The following PLAGL1 variants were observed in gnomAD, a reference collection of about 807,000 sequenced individuals.
The protein encoded by PLAGL1 is zinc finger protein PLAGL1.
PLAGL1 carries 1 observed loss-of-function variant against 4.6 expected under a neutral mutation model. The ratio of observed to expected loss-of-function variants is 0.22; its 90% confidence interval spans 0.08 to 1.03. The LOEUF (loss-of-function observed/expected upper bound fraction) is 1.03, where lower values mean the gene tolerates loss of function less well. PLAGL1 is among the 50% of genes least tolerant of loss of function. PLAGL1 has a pLI of 0.58. For synonymous variants in PLAGL1, 240 were observed against 237.8 expected (o/e 1.01, Z -0.08); for missense variants, 464 against 570.4 (o/e 0.81, Z 1.90).
intron 1 of PLAGL1, among the ~76,000 whole-genome samples, chr6:144,054,037 C>T (rs1050508414): frequency 1.3e-5 from 2 of 150,532 alleles, no homozygotes; most frequent in South Asian, 2.1e-4. Flanking sequence ...TAGGTCTTAA[C>T]TTACTTATGT....
chr6:144,026,801 A>G (rs1402372787), intron 1 of PLAGL1, among the ~76,000 whole-genome samples: 1 of 152,262 alleles, frequency 6.6e-6, no homozygotes, highest in Non-Finnish European at 1.5e-5. Context: ...AACTACTGGC[A>G]AAGCAGATAG....
intron 7 of PLAGL1, among the ~76,000 whole-genome samples, chr6:143,944,813 G>T (rs1779413749): frequency 6.6e-6 from 1 of 151,180 alleles, no homozygotes; most frequent in African/African-American, 2.4e-5. Flanking sequence ...CCCAGTACTG[G>T]TGAACAGGAT....
In PLAGL1 at chr6:143,943,454, A is replaced by C. The variant is rs142759360; in HGVS notation, c.153-791T>G. On this transcript the variant is annotated intron_variant, in intron 7 of 7. Coordinates refer to ENST00000674357, the MANE Select transcript of PLAGL1 (RefSeq NM_001317162.2). ...TCTTAAAAAGTCCATCCTTAACCTC[A>C]GAAAAGTGTCTAATAGGACCCTGAA... 9.2e-3 allele frequency among the ~76,000 whole-genome samples: 1,402 copies of C among 152,142 alleles called. 14 individuals are homozygous for C. Among genetic ancestry groups the C allele is most frequent in the Middle Eastern group, 0.02 (6 of 294 alleles).
At position 143,961,436 on chromosome 6, in the gene PLAGL1, T is replaced by A. The variant is rs1210945139; in HGVS notation, c.-398-894A>T. The A allele has an allele frequency of 6.6e-6, 1 of 152,244 alleles. No homozygotes were observed. The highest frequency in any genetic ancestry group is 1.5e-5 in the Non-Finnish European group (1 of 68,030). 9.4% of individuals were successfully genotyped at this position (152,244 alleles called of 1,614,324 possible). On this transcript the variant is annotated intron_variant, in intron 5 of 7. Transcript: ENST00000674357. This position sits in a 1 kb window ranked among gnomAD's most constrained non-coding sequence, Gnocchi z 6.5. The stretch of plus-strand genomic sequence containing the variant: ...CACTTGCCTATTTTCTTCTGTGAAT[T>A]TGATCAAAAAGGCTATGTCCATTTA...
chr6:144,041,516 C>G (rs1280414234), intron 1 of PLAGL1, among the ~76,000 whole-genome samples: 1 of 152,150 alleles, frequency 6.6e-6, no homozygotes, highest in Non-Finnish European at 1.5e-5. Context: ...ATGAACTCAT[C>G]CTTTTTTATG....
In PLAGL1 at chr6:143,949,536, C is replaced by T. The variant is rs538566570; in HGVS notation, c.-324-1076G>A. ...TGGACTCTGACAGCAGGTTTCAAAT[C>T]GGCCTCTACCTGCCACTACCTGCCA... On this transcript the variant is annotated intron_variant, in intron 6 of 7. Coordinates refer to ENST00000674357, the MANE Select transcript of PLAGL1 (RefSeq NM_001317162.2). This position sits in a 1 kb window ranked among gnomAD's most constrained non-coding sequence, Gnocchi z 5.3. Among the ~76,000 whole-genome samples, 17 of 152,320 alleles carry T rather than the reference C, an allele frequency of 1.1e-4. No homozygotes were observed. The South Asian group carries it at 1.7e-3, about 15-fold the overall frequency.
At chr6:144,020,141 C>T (rs898693277) in intron 1 of PLAGL1, among the ~76,000 whole-genome samples, 10 of 152,046 alleles carry the variant, frequency 6.6e-5, no homozygotes, top group South Asian at 2.1e-4. Flanking sequence ...GCAAGAAGAC[C>T]GCTGTCCACG....
rs1056462482 is a variant in PLAGL1, at chr6:143,940,363, T to TAA, written c.*1059_*1060dup. 3 of 152,178 alleles carry TAA rather than the reference T, an allele frequency of 2.0e-5. No individual in the cohort carries two copies. Among genetic ancestry groups the TAA allele is most frequent in the African/African-American group, 7.2e-5 (3 of 41,446 alleles). 9.4% of individuals were successfully genotyped at this position (152,178 alleles called of 1,614,324 possible). On this transcript the variant is annotated 3_prime_UTR_variant, in exon 8 of 8. Transcript: ENST00000674357. ...GTTTACGGAAAAGCCTCTAAAAACA[T>TAA]AAGACAATGGAGCTTTAAAAAAGGT...
intron 1 of PLAGL1, among the ~76,000 whole-genome samples, chr6:144,001,526 GA>G (rs1411032419): frequency 1.8e-4 from 27 of 152,098 alleles, no homozygotes; most frequent in Non-Finnish European, 2.9e-5. Flanking sequence ...AAGAGAAATA[GA>G]ATATTTGTAC....
chr6:144,046,359 A>G (rs1015282957), intron 1 of PLAGL1, among the ~76,000 whole-genome samples: 5 of 152,054 alleles, frequency 3.3e-5, no homozygotes, highest in Non-Finnish European at 5.9e-5. Context: ...TGACCTACAG[A>G]TGGGGTTTTG....
At chr6:143,977,436 C>T (rs1248353900) in intron 2 of PLAGL1, among the ~76,000 whole-genome samples, 1 of 142,258 alleles carries the variant, frequency 7.0e-6, no homozygotes, top group African/African-American at 2.6e-5. Flanking sequence ...TGATAGCTCA[C>T]TTCTTTTTTT....
At position 143,995,235 on chromosome 6, in the gene PLAGL1, A is replaced by G. The variant is rs1327001194; in HGVS notation, c.-583-10061T>C. On this transcript the variant is annotated intron_variant, in intron 1 of 7. Coordinates refer to ENST00000674357, the MANE Select transcript of PLAGL1 (RefSeq NM_001317162.2). This position sits in a 1 kb window ranked among gnomAD's most constrained non-coding sequence, Gnocchi z 4.4. ...TTCACAATAAAGCAAGGTCCCTTTC[A>G]ATTTATCCTTAAAGTTAATTAATAA... is the stretch of plus-strand genomic sequence containing the variant. 6.6e-6 allele frequency among the ~76,000 whole-genome samples: 1 copy of G among 152,230 alleles called. No individual in the cohort carries two copies. The highest frequency in any genetic ancestry group is 6.5e-5 in the Admixed American group (1 of 15,284).
Position 143,979,409 on chromosome 6 carries a change from C to T in PLAGL1, c.-544+5726G>A, listed in dbSNP as rs545770066. Among the ~76,000 whole-genome samples, 1 of 151,962 alleles carries T rather than the reference C, an allele frequency of 6.6e-6. No homozygotes were observed. Among genetic ancestry groups the T allele is most frequent in the South Asian group, 2.1e-4 (1 of 4,814 alleles). On this transcript the variant is annotated intron_variant, in intron 2 of 7. Transcript: ENST00000674357. The surrounding 1 kb of genome is among the most constrained non-coding windows in gnomAD (Gnocchi z 4.6). ...GATCTTGTTATTTGTTGTCTAATTG[C>T]CTCAATTATTCTTTGTTCCTTTTCT...
chr6:144,032,126 T>TTC (rs1391602235), intron 1 of PLAGL1, among the ~76,000 whole-genome samples: 2 of 152,054 alleles, frequency 1.3e-5, no homozygotes, highest in East Asian at 3.9e-4. Context: ...ATTGCATTTT[T>TTC]TTTTTTTTGA....
Position 143,966,308 on chromosome 6 carries a change from T to C in PLAGL1, c.-471-110A>G, listed in dbSNP as rs953275688. 8 of 152,326 alleles carry C rather than the reference T, an allele frequency of 5.3e-5. No homozygotes were observed. The highest frequency in any genetic ancestry group is 1.7e-4 in the African/African-American group (7 of 41,576). 9.4% of individuals were successfully genotyped at this position (152,326 alleles called of 1,614,324 possible). A position where few individuals can be genotyped will look rare whatever the true frequency, so the allele number is the denominator to read the frequency against. ...AAACTGAGAGAGCAGACATACAGAT[T>C]ATCCTCCTGGATTTATCAGTTATAT... On this transcript the variant is annotated intron_variant, in intron 3 of 7. Transcript: ENST00000674357. This position sits in a 1 kb window ranked among gnomAD's most constrained non-coding sequence, Gnocchi z 6.0.
In PLAGL1 at chr6:143,957,109, A is replaced by G. The variant is rs111446575; in HGVS notation, c.-325+3360T>C. On this transcript the variant is annotated intron_variant, in intron 6 of 7. Transcript: ENST00000674357. The surrounding 1 kb of genome is among the most constrained non-coding windows in gnomAD (Gnocchi z 4.2). ...TCTTGGATCTTTGACAGGCCTCCTCACCTCTCCCCACCATATGCATTGTAT... is the reference window on the plus strand; with the variant it reads ...TCTTGGATCTTTGACAGGCCTCCTCGCCTCTCCCCACCATATGCATTGTAT... Among the ~76,000 whole-genome samples, 5 of 152,304 alleles carry G rather than the reference A, an allele frequency of 3.3e-5. No individual in the cohort carries two copies. In the South Asian group the frequency reaches 1.0e-3, roughly 32 times the overall value.
chr6:143,980,370 G>T (rs1787650497), intron 2 of PLAGL1, among the ~76,000 whole-genome samples: 2 of 145,850 alleles, frequency 1.4e-5, no homozygotes, highest in African/African-American at 2.5e-5. Flanking sequence ...TCACTGATGT[G>T]CTATTCACTT....
intron 2 of PLAGL1, among the ~76,000 whole-genome samples, chr6:143,980,388 GTTT>G (rs71024882): frequency 1.4e-4 from 19 of 133,346 alleles, no homozygotes; most frequent in African/African-American, 3.6e-4. Context: ...CTTTTTTCTA[GTTT>G]TTTTTTTTTT....
chr6:144,023,140 T>C (rs9496841), intron 1 of PLAGL1, among the ~76,000 whole-genome samples: 1 of 152,206 alleles, frequency 6.6e-6, no homozygotes, highest in Non-Finnish European at 1.5e-5. Flanking sequence ...TTGAAAAGAC[T>C]ACATACTGTA....
Sources: allele counts gnomAD v4.1 joint callset (sites outside exome capture counted in the v4.1 genomes callset), GRCh38; gene constraint gnomAD v4.1.1; non-coding constraint Gnocchi (gnomAD v3.1); transcripts MANE v1.5; gene names NCBI Gene and HGNC (gene_info 2026-07-23, HGNC 2026-07-21).